Variants in CPA6 observed in about 807,000 individuals in gnomAD.
The protein encoded by CPA6 is carboxypeptidase A6.
A neutral mutation model predicts 63.3 loss-of-function variants in CPA6; 58 were observed. The observed-to-expected ratio is 0.92, with a 90% CI of 0.74 to 1.14. CPA6 has a LOEUF of 1.14. Ranked by LOEUF, CPA6 falls within the 50% of genes most tolerant of loss-of-function variation. The pLI, the probability that CPA6 is intolerant of heterozygous loss-of-function variation, is 0.00. For missense variants in CPA6, 565 were observed against 526.6 expected (o/e 1.07, Z -0.71); for synonymous variants, 185 against 179.0 (o/e 1.03, Z -0.27).
At position 67,635,659 on chromosome 8, in the gene CPA6, T is replaced by C. The variant is rs190853265; in HGVS notation, c.117-11408A>G. 2.7e-3 allele frequency among the ~76,000 whole-genome samples: 414 copies of C among 151,558 alleles called. 23 individuals carry two copies. Among genetic ancestry groups the C allele is most frequent in the African/African-American group, 9.4e-3 (384 of 40,912 alleles). On this transcript the variant is annotated intron_variant, in intron 1 of 10. Coordinates refer to ENST00000297770, the MANE Select transcript of CPA6 (RefSeq NM_020361.5). ...GTGCATGCCTGTAATCCCAGCTACT[T>C]GGGAGGCTGAGGCAGAAGAATCACT...
Position 67,541,647 on chromosome 8 carries a change from C to T in CPA6, c.193-23600G>A, listed in dbSNP as rs545625079. ...GAGATGTGAGTCTTGCCGAAGCTCC[C>T]GGCTGAATAAAGCCCTTCTTTAACT... On this transcript the variant is annotated intron_variant, in intron 2 of 10. Transcript: ENST00000297770. Among the ~76,000 whole-genome samples the T allele has an allele frequency of 9.1e-4, 139 of 152,232 alleles. 1 individual carries two copies. Among genetic ancestry groups the T allele is most frequent in the African/African-American group, 3.2e-3 (134 of 41,548 alleles).
intron 9 of CPA6, among the ~76,000 whole-genome samples, chr8:67,430,521 C>T (rs554103361): frequency 4.6e-5 from 7 of 151,966 alleles, no homozygotes; most frequent in African/African-American, 9.7e-5. Flanking sequence ...CCAGAAATAC[C>T]GAATCTTACA....
intron 1 of CPA6, chr8:67,732,638 T>G (rs62511419): frequency 0.041 from 6,263 of 152,318 alleles, 175 homozygotes; most frequent in Non-Finnish European, 0.055. Context: ...GGCTGATTGG[T>G]GGGACCTGGG....
At chr8:67,598,978 T>C (rs1251424927) in intron 2 of CPA6, among the ~76,000 whole-genome samples, 1 of 152,150 alleles carries the variant, frequency 6.6e-6, no homozygotes, top group Non-Finnish European at 1.5e-5. Context: ...TTTATAAATC[T>C]GGTAAAAAAA....
chr8:67,569,402 G>A (rs927321463), intron 2 of CPA6: 1 of 185,000 alleles, frequency 5.4e-6, no homozygotes, highest in African/African-American at 2.4e-5. Context: ...TCGGTTCCAT[G>A]TTCCCCCTAC....
At chr8:67,466,289 G>A (rs1810925032) in intron 8 of CPA6, among the ~76,000 whole-genome samples, 1 of 151,958 alleles carries the variant, frequency 6.6e-6, no homozygotes. Flanking sequence ...GTATTTCTGT[G>A]AGATCACTTG....
rs1480613168 is a variant in CPA6, at chr8:67,624,221, T to C, written c.147A>G (p.Thr49=). ...GDKVIRFIPK[T]EEEAYALKKI... Reference sequence around the variant, plus strand: ...TCTTCAGTGCATATGCTTCCTCTTCTGTTTTGGGAATAAATCTTATCACTT... The same window carrying C: ...TCTTCAGTGCATATGCTTCCTCTTCCGTTTTGGGAATAAATCTTATCACTT... The change falls in exon 2 of 11, where the codon ACA becomes ACG. Residue 49 remains threonine, a synonymous_variant. Coordinates refer to ENST00000297770, the MANE Select transcript of CPA6 (RefSeq NM_020361.5). The C allele has an allele frequency of 1.3e-6, 2 of 1,546,706 alleles. No individual in the cohort carries two copies. The highest frequency in any genetic ancestry group is 8.9e-7 in the Non-Finnish European group (1 of 1,121,474).
chr8:67,673,356 A>T (rs927105260), intron 1 of CPA6, among the ~76,000 whole-genome samples: 31 of 129,954 alleles, frequency 2.4e-4, no homozygotes, highest in Non-Finnish European at 4.6e-4. Context: ...CTTTCAATTT[A>T]TTATTATTAT....
At chr8:67,554,165 G>T (rs1197182114) in intron 2 of CPA6, among the ~76,000 whole-genome samples, 1 of 152,136 alleles carries the variant, frequency 6.6e-6, no homozygotes, top group Non-Finnish European at 1.5e-5. Flanking sequence ...CTGCTATAAA[G>T]ATACCTGAGA....
At chr8:67,436,107 A>G (rs2128952752) in intron 8 of CPA6, among the ~76,000 whole-genome samples, 1 of 152,206 alleles carries the variant, frequency 6.6e-6, no homozygotes, top group South Asian at 2.1e-4. Flanking sequence ...CACTAAGCTG[A>G]CTAACAACTG....
At chr8:67,631,472 A>T (rs899342412) in intron 1 of CPA6, among the ~76,000 whole-genome samples, 2 of 152,082 alleles carry the variant, frequency 1.3e-5, no homozygotes, top group Non-Finnish European at 2.9e-5. Flanking sequence ...TCTAGTGGGG[A>T]CTTGGAGAAC....
At chr8:67,446,082 G>A (rs1197778246) in intron 8 of CPA6, among the ~76,000 whole-genome samples, 14 of 152,038 alleles carry the variant, frequency 9.2e-5, no homozygotes, top group African/African-American at 3.1e-4. Context: ...GGCTAACACC[G>A]TGAAACCCTG....
At chr8:67,472,177 G>T (rs1210755311) in intron 8 of CPA6, among the ~76,000 whole-genome samples, 1 of 152,092 alleles carries the variant, frequency 6.6e-6, no homozygotes, top group Non-Finnish European at 1.5e-5. Context: ...AGCAGCATGG[G>T]AGTGTTACCT....
chr8:67,486,757 G>A (rs1468815698), intron 6 of CPA6, among the ~76,000 whole-genome samples: 1 of 152,102 alleles, frequency 6.6e-6, no homozygotes, highest in African/African-American at 2.4e-5. Flanking sequence ...GATCATTTAG[G>A]CCTAGAGCAG....
chr8:67,657,067 G>A (rs1257696018), intron 1 of CPA6, among the ~76,000 whole-genome samples: 37 of 152,260 alleles, frequency 2.4e-4, no homozygotes, highest in Non-Finnish European at 5.9e-5. Context: ...TAAACACATG[G>A]TGTCTCCGGA....
chr8:67,490,257 A>G (rs554359578), intron 6 of CPA6, among the ~76,000 whole-genome samples: 2 of 152,336 alleles, frequency 1.3e-5, no homozygotes, highest in Non-Finnish European at 1.5e-5. Flanking sequence ...ATAAACATGA[A>G]GAACACAGGG....
chr8:67,505,362 C>A (rs1811905596), intron 6 of CPA6, among the ~76,000 whole-genome samples: 1 of 152,110 alleles, frequency 6.6e-6, no homozygotes, highest in African/African-American at 2.4e-5. Flanking sequence ...ATATAATAGA[C>A]AAAGTAAATT....
rs532406180 is a variant in CPA6, at chr8:67,458,488, G to A, written c.839-24248C>T. On this transcript the variant is annotated intron_variant, in intron 8 of 10. Coordinates refer to ENST00000297770, the MANE Select transcript of CPA6 (RefSeq NM_020361.5). ...GCTGGGATTACAGGAGTGAGCCATC[G>A]TGCCTGGCCAGCAATCACTTTTAAA... 1.1e-4 allele frequency among the ~76,000 whole-genome samples: 17 copies of A among 152,252 alleles called. No homozygotes were observed. The South Asian group carries it at 1.7e-3, about 15-fold the overall frequency.
chr8:67,498,014 C>T (rs35495539), intron 6 of CPA6, among the ~76,000 whole-genome samples: 1 of 152,110 alleles, frequency 6.6e-6, no homozygotes, highest in Non-Finnish European at 1.5e-5. Context: ...GTAAGTGTCC[C>T]TCTTTACAAG....
Sources: gnomAD v4.1 joint callset for allele counts (sites outside exome capture counted in the v4.1 genomes callset) on GRCh38, gnomAD v4.1.1 for gene constraint, MANE v1.5 for transcripts, NCBI Gene and HGNC (gene_info 2026-07-23, HGNC 2026-07-21) for gene names.